PARP8: variants seen among roughly 807,000 people sequenced by gnomAD.
PARP8 encodes poly(ADP-ribose) polymerase family member 8.
In PARP8, 51 loss-of-function variants were observed where a neutral mutation model predicts 124.1. The ratio of observed to expected loss-of-function variants is 0.41; its 90% CI spans 0.33 to 0.52. PARP8 has a LOEUF of 0.52. Ranked by LOEUF, PARP8 falls within the 20% of genes least tolerant of loss-of-function variation. The probability of loss-of-function intolerance (pLI) is 0.21; values close to 1 mark genes in which losing one functional copy is unlikely to be tolerated. For synonymous variants in PARP8, 391 were observed against 361.5 expected, an observed-to-expected ratio of 1.08 and a Z score of -0.93; for missense variants, 860 against 1,018.9, an observed-to-expected ratio of 0.84 and a Z score of 2.12.
chr5:50,705,848 T>A (rs1367580249), intron 2 of PARP8, among the ~76,000 whole-genome samples: 2 of 152,126 alleles, frequency 1.3e-5, no homozygotes, highest in African/African-American at 4.8e-5. Context: ...ACTTATACTA[T>A]TTGATTTGTT....
chr5:50,758,640 C>T (rs1195350952), intron 3 of PARP8, among the ~76,000 whole-genome samples: 4 of 152,048 alleles, frequency 2.6e-5, no homozygotes, highest in African/African-American at 7.2e-5. Flanking sequence ...ATTATGTGTT[C>T]GTGGTATTTT....
At chr5:50,824,507 A>G (rs2149706843) in intron 17 of PARP8, among the ~76,000 whole-genome samples, 1 of 152,296 alleles carries the variant, frequency 6.6e-6, no homozygotes, top group East Asian at 1.9e-4. Flanking sequence ...AAGTTACAGA[A>G]GGGGATAAGT....
At chr5:50,747,957 G>T (rs1344989521) in intron 2 of PARP8, among the ~76,000 whole-genome samples, 4 of 151,422 alleles carry the variant, frequency 2.6e-5, no homozygotes, top group East Asian at 1.9e-4. Context: ...TGTATTTTTA[G>T]TATAGACCTT....
intron 2 of PARP8, among the ~76,000 whole-genome samples, chr5:50,711,717 A>T (rs1754787587): frequency 6.6e-6 from 1 of 152,070 alleles, no homozygotes. Context: ...AATCCAACAT[A>T]CATTTCTGCA....
At chr5:50,717,004 C>T (rs1755385699) in intron 2 of PARP8, among the ~76,000 whole-genome samples, 1 of 151,846 alleles carries the variant, frequency 6.6e-6, no homozygotes, top group Non-Finnish European at 1.5e-5. Context: ...CAGCAATGAA[C>T]AAGGCAAGGT....
intron 2 of PARP8, among the ~76,000 whole-genome samples, chr5:50,746,245 AT>A (rs1416097073): frequency 1.3e-5 from 2 of 152,184 alleles, no homozygotes; most frequent in Non-Finnish European, 1.5e-5. Context: ...TAGGGAACTG[AT>A]TAGTGGCTGT....
chr5:50,743,987 A>G (rs1457149625), intron 2 of PARP8, among the ~76,000 whole-genome samples: 1 of 152,180 alleles, frequency 6.6e-6, no homozygotes, highest in African/African-American at 2.4e-5. Context: ...TAAAAAGGTA[A>G]TGTGCAATAA....
intron 10 of PARP8, among the ~76,000 whole-genome samples, chr5:50,793,156 TTTCTG>T (rs1561387574): frequency 6.6e-6 from 1 of 151,946 alleles, no homozygotes; most frequent in Non-Finnish European, 1.5e-5. Flanking sequence ...GCATATAACA[TTTCTG>T]TTTTACTCTG....
intron 2 of PARP8, among the ~76,000 whole-genome samples, chr5:50,677,774 T>G (rs1249893832): frequency 6.6e-6 from 1 of 152,146 alleles, no homozygotes; most frequent in Non-Finnish European, 1.5e-5. Context: ...AAATTTAGTA[T>G]GGCGATAGTT....
intron 3 of PARP8, among the ~76,000 whole-genome samples, chr5:50,754,116 CATATATATATATAT>C (rs373375463): frequency 0.59 from 38,720 of 65,320 alleles, 10,717 homozygotes; most frequent in East Asian, 0.69. Flanking sequence ...TGAAAACATT[CATATATATATATAT>C]ATATATATAT....
At chr5:50,826,703 C>G in intron 18 of PARP8, 52 bp from the exon 19 acceptor site, 1 of 1,526,270 alleles carries the variant, frequency 6.6e-7, no homozygotes, top group South Asian at 1.3e-5. Flanking sequence ...AGAAAAAGAA[C>G]TTTAAATATA....
intron 19 of PARP8, among the ~76,000 whole-genome samples, 164 bp downstream of exon 19, chr5:50,826,967 CA>C (rs2149710462): frequency 6.6e-6 from 1 of 152,150 alleles, no homozygotes; most frequent in South Asian, 2.1e-4. Flanking sequence ...TCACTAGCTC[CA>C]AACCTTTCCA....
At chr5:50,775,234 G>A (rs777330222) in intron 7 of PARP8, among the ~76,000 whole-genome samples, 2 of 152,166 alleles carry the variant, frequency 1.3e-5, no homozygotes, top group Admixed American at 6.5e-5. Context: ...GTAGTGAGCC[G>A]AGATCACGCC....
At chr5:50,815,369 A>T (rs1475474357) in intron 14 of PARP8, 63 bp from the exon 15 acceptor site, 3 of 1,177,962 alleles carry the variant, frequency 2.5e-6, no homozygotes, top group Non-Finnish European at 3.6e-6. Flanking sequence ...AAATGTTGTG[A>T]ATTTAATTTT....
At chr5:50,749,999 A>G in intron 2 of PARP8, 152 bp from the exon 3 acceptor site, 1 of 649,730 alleles carries the variant, frequency 1.5e-6, no homozygotes, top group South Asian at 1.7e-5. Flanking sequence ...GGCGGATATA[A>G]AAGTGGTTTT....
At chr5:50,743,115 A>G (rs1236171269) in intron 2 of PARP8, among the ~76,000 whole-genome samples, 2 of 152,162 alleles carry the variant, frequency 1.3e-5, no homozygotes, top group South Asian at 4.1e-4. Flanking sequence ...GCTTCAAGGT[A>G]TAGCCATTTG....
At chr5:50,719,164 G>T (rs1239845553) in intron 2 of PARP8, among the ~76,000 whole-genome samples, 7 of 151,862 alleles carry the variant, frequency 4.6e-5, no homozygotes, top group African/African-American at 1.7e-4. Flanking sequence ...TGGATTATTT[G>T]ACTTTCTTTA....
chr5:50,705,329 A>G (rs1245327271), intron 2 of PARP8, among the ~76,000 whole-genome samples: 1 of 152,232 alleles, frequency 6.6e-6, no homozygotes, highest in Non-Finnish European at 1.5e-5. Context: ...TGGGCAAAGA[A>G]ATAGGGATAG....
chr5:50,799,375 T>C (rs1742933320), intron 14 of PARP8, among the ~76,000 whole-genome samples: 2 of 152,190 alleles, frequency 1.3e-5, no homozygotes, highest in Admixed American at 1.3e-4. Flanking sequence ...TATTTGACTA[T>C]AGATGTTTTG....
Sources: allele counts gnomAD v4.1 joint callset (sites outside exome capture counted in the v4.1 genomes callset), GRCh38; gene constraint gnomAD v4.1.1; transcripts MANE v1.5; gene names NCBI Gene and HGNC (gene_info 2026-07-23, HGNC 2026-07-21).